The following CWH43 variants were observed in gnomAD, a reference collection of about 807,000 sequenced individuals.
CWH43 encodes cell wall biogenesis 43 C-terminal homolog, also known as PGAP2-interacting protein.
CWH43 carries 91 observed loss-of-function variants against 85.7 expected under a neutral mutation model. The ratio of observed to expected loss-of-function variants is 1.06; its 90% confidence interval spans 0.90 to 1.26. The LOEUF is 1.26. Ranked by LOEUF, CWH43 falls within the 50% of genes most tolerant of loss-of-function variation. The probability of loss-of-function intolerance (pLI) is 0.00; values close to 1 mark genes in which losing one functional copy is unlikely to be tolerated. For synonymous variants in CWH43, 323 were observed against 293.6 expected (o/e 1.10, Z -1.02); for missense variants, 869 against 839.2 (o/e 1.04, Z -0.44).
chr4:49,003,203 A>T (rs1783048629), intron 6 of CWH43, among the ~76,000 whole-genome samples: 1 of 152,210 alleles, frequency 6.6e-6, no homozygotes. Context: ...GAATTGCTAA[A>T]GCAGTGAGCC....
rs372830633 is a variant in CWH43, at chr4:49,030,816, T to C, written c.1373-9T>C. ...CATCACTGTATGCTACTTTTTTTTT[T>C]CTGAACAGGTGCAGATTTCATAACA... is the stretch of plus-strand genomic sequence containing the variant. On this transcript the variant is annotated splice_polypyrimidine_tract_variant and intron_variant, in intron 10 of 15. Coordinates refer to ENST00000226432, the MANE Select transcript of CWH43 (RefSeq NM_025087.3). The C allele has an allele frequency of 6.7e-5, 105 of 1,558,272 alleles. No individual in the cohort carries two copies. Among genetic ancestry groups the C allele is most frequent in the Admixed American group, 2.3e-4 (11 of 46,982 alleles).
chr4:49,044,786 G>A lies in CWH43; in HGVS notation c.1804G>A (p.Asp602Asn). The stretch of plus-strand genomic sequence containing the variant: ...CATTCTCCTCTCTGCTCTTTATTAG[G>A]ATATCGACAGCACTGATCATGACAG... ...LQLTEHGNVK[D>N]IDSTDHDRWC... Residue 602 changes from aspartate (D) to asparagine (N), a missense_variant and splice_region_variant, in exon 14 of 16, where the codon GAT (aspartate) becomes AAT (asparagine). Coordinates refer to ENST00000226432, the MANE Select transcript of CWH43 (RefSeq NM_025087.3). 3 of 1,612,118 alleles carry A rather than the reference G, an allele frequency of 1.9e-6. No individual in the cohort carries two copies. Among genetic ancestry groups the A allele is most frequent in the Non-Finnish European group, 2.5e-6 (3 of 1,178,706 alleles).
Position 48,988,589 on chromosome 4 carries a change from A to G in CWH43, c.156A>G (p.Pro52=). 1.2e-6 allele frequency: 2 copies of G among 1,613,520 alleles called. No homozygotes were observed. The highest frequency in any genetic ancestry group is 1.7e-6 in the Non-Finnish European group (2 of 1,179,558). ...GTTTTAGTATAGCATTTCTTTCTCC[A>G]ATATTCCTAACAATTACTCCTTTCT... ...LEGFSIAFLS[P]IFLTITPFWK... is the part of the protein sequence containing the mutation. Residue 52 remains proline, a synonymous_variant, in exon 2 of 16, where the codon CCA becomes CCG. Coordinates refer to ENST00000226432, the MANE Select transcript of CWH43 (RefSeq NM_025087.3).
At chr4:49,017,380 A>G (rs762154030) in intron 9 of CWH43, 52 bp downstream of exon 9, 18 of 1,282,430 alleles carry the variant, frequency 1.4e-5, no homozygotes, top group Non-Finnish European at 2.0e-5. Context: ...ATATATGTGC[A>G]TATATTTGTA....
rs112566109 is a variant in CWH43 at position 49,033,085 on chromosome 4, G to A, written c.1658+370G>A. Among the ~76,000 whole-genome samples, 29 of 152,310 alleles carry A rather than the reference G, an allele frequency of 1.9e-4. 1 individual carries two copies. In the South Asian group the frequency reaches 5.2e-3, roughly 27 times the overall value. On this transcript the variant is annotated intron_variant, in intron 12 of 15. Coordinates refer to ENST00000226432, the MANE Select transcript of CWH43 (RefSeq NM_025087.3). ...GGTCAGACAACCCATCCAACCAGGA[G>A]CAAGCACACAGCCAGGGCATAGGCA... is the stretch of plus-strand genomic sequence containing the variant.
intron 12 of CWH43, among the ~76,000 whole-genome samples, chr4:49,035,154 A>G (rs1238719463): frequency 6.6e-6 from 1 of 152,200 alleles, no homozygotes; most frequent in African/African-American, 2.4e-5. Flanking sequence ...TTTGTTTTCT[A>G]CAGTACTAGA....
At chr4:48,994,551 C>G in intron 4 of CWH43, 68 bp from the exon 5 acceptor site, 2 of 1,322,250 alleles carry the variant, frequency 1.5e-6, no homozygotes, top group African/African-American at 1.5e-5. Context: ...TGCTAAAAGT[C>G]TGCTAAATAT....
intron 13 of CWH43, among the ~76,000 whole-genome samples, chr4:49,041,829 C>T (rs1343334681): frequency 6.6e-6 from 1 of 152,152 alleles, no homozygotes; most frequent in East Asian, 1.9e-4. Flanking sequence ...GCCAGTTCCT[C>T]TGAAGGCAAG....
intron 10 of CWH43, among the ~76,000 whole-genome samples, chr4:49,029,560 G>T (rs572334054): frequency 6.6e-6 from 1 of 152,292 alleles, no homozygotes; most frequent in Non-Finnish European, 1.5e-5. Flanking sequence ...AAAGAGGAAG[G>T]CCTCTTGCAG....
Position 49,007,190 on chromosome 4 carries a change from T to C in CWH43, c.1061-11T>C, listed in dbSNP as rs772227117. On this transcript the variant is annotated splice_polypyrimidine_tract_variant and intron_variant, in intron 7 of 15. Coordinates refer to ENST00000226432, the MANE Select transcript of CWH43 (RefSeq NM_025087.3). ...CAGACTATAACATATTCTTTCTTTC[T>C]CTTATAACAGGGACAATGATGTTAA... 1 of 1,599,394 alleles carries C rather than the reference T, an allele frequency of 6.3e-7. No individual in the cohort carries two copies. The highest frequency in any genetic ancestry group is 1.2e-5 in the South Asian group (1 of 86,822).
At chr4:49,023,808 T>C (rs1783821468) in intron 9 of CWH43, among the ~76,000 whole-genome samples, 1 of 152,262 alleles carries the variant, frequency 6.6e-6, no homozygotes, top group Admixed American at 6.5e-5. Context: ...TGCTGATGAA[T>C]AGAATGTATA....
At chr4:49,000,354 T>C (rs1489107672) in intron 6 of CWH43, among the ~76,000 whole-genome samples, 4 of 152,198 alleles carry the variant, frequency 2.6e-5, no homozygotes, top group African/African-American at 9.6e-5. Context: ...GTGAACATAC[T>C]GTTGCAGTCT....
chr4:49,052,766 A>G (rs189075896), intron 15 of CWH43, among the ~76,000 whole-genome samples: 1 of 152,348 alleles, frequency 6.6e-6, no homozygotes, highest in African/African-American at 2.4e-5. Context: ...TAAAACTGTG[A>G]TGAGAATATT....
At chr4:49,058,091 T>G (rs1359317130) in intron 15 of CWH43, among the ~76,000 whole-genome samples, 1 of 152,200 alleles carries the variant, frequency 6.6e-6, no homozygotes, top group Non-Finnish European at 1.5e-5. Flanking sequence ...CATTTACATT[T>G]AAAGTAATTA....
chr4:49,048,328 G>A (rs1405507033), intron 14 of CWH43, among the ~76,000 whole-genome samples: 1 of 150,600 alleles, frequency 6.6e-6, no homozygotes, highest in African/African-American at 2.4e-5. Flanking sequence ...CACTCTGTGT[G>A]TATCACTCTG....
intron 7 of CWH43, among the ~76,000 whole-genome samples, chr4:49,005,419 C>G (rs1173091985): frequency 6.6e-6 from 1 of 152,122 alleles, no homozygotes; most frequent in Non-Finnish European, 1.5e-5. Flanking sequence ...ATTAAAAACA[C>G]CCACTGTCCT....
At chr4:49,006,300 CAG>C (rs1783157012) in intron 7 of CWH43, among the ~76,000 whole-genome samples, 1 of 151,846 alleles carries the variant, frequency 6.6e-6, no homozygotes, top group South Asian at 2.1e-4. Flanking sequence ...ATTGTAGAAA[CAG>C]TGCATAATTA....
At chr4:49,027,244 A>G (rs1783944534) in intron 9 of CWH43, among the ~76,000 whole-genome samples, 1 of 152,180 alleles carries the variant, frequency 6.6e-6, no homozygotes, top group South Asian at 2.1e-4. Context: ...ATATTTTGAA[A>G]GTAGAACCGA....
chr4:49,007,081 TA>T, intron 7 of CWH43, 119 bp from the exon 8 acceptor site: 2 of 1,142,682 alleles, frequency 1.8e-6, no homozygotes, highest in Non-Finnish European at 2.4e-6. Context: ...TGAGATAAAT[TA>T]AATCAGTACA....
Sources: allele counts gnomAD v4.1 joint callset (sites outside exome capture counted in the v4.1 genomes callset), GRCh38; gene constraint gnomAD v4.1.1; transcripts MANE v1.5; gene names NCBI Gene and HGNC (gene_info 2026-07-23, HGNC 2026-07-21).